DAAM2: variants seen among roughly 807,000 people sequenced by gnomAD.
DAAM2 encodes disheveled-associated activator of morphogenesis 2.
In DAAM2, 39 loss-of-function variants were observed where a neutral mutation model predicts 120.7. The observed-to-expected ratio is 0.32, with a 90% CI of 0.25 to 0.42. The LOEUF (loss-of-function observed/expected upper bound fraction) is 0.42, where lower values mean the gene tolerates loss of function less well. Ranked by LOEUF, DAAM2 falls within the 10% of genes least tolerant of loss-of-function variation. The pLI is 1.00. For synonymous variants in DAAM2, 488 were observed against 524.9 expected (o/e 0.93, Z 0.96); for missense variants, 1,283 against 1,401.7 (o/e 0.92, Z 1.35).
chr6:39,882,733 A>G (rs1296055650), intron 14 of DAAM2, among the ~76,000 whole-genome samples: 3 of 151,034 alleles, frequency 2.0e-5, no homozygotes, highest in Admixed American at 1.3e-4. Context: ...ACACACACAC[A>G]TACACACACT....
Position 39,879,215 on chromosome 6 carries a change from C to T in DAAM2, c.1583C>T (p.Pro528Leu), listed in dbSNP as rs923147591. ...PVSSPPPPGGPLTLSSSMTTN... is the reference protein window; with the variant it reads ...PVSSPPPPGGLLTLSSSMTTN... Reference sequence around the variant, plus strand: ...TCTTCCCCACCACCCCCTGGGGGCCCACTCACCTTGTCTTCCTCAATGACA... The same window carrying T: ...TCTTCCCCACCACCCCCTGGGGGCCTACTCACCTTGTCTTCCTCAATGACA... The change falls in exon 14 of 25, where the codon CCA (proline) becomes CTA (leucine). Residue 528 changes from proline to leucine, a missense_variant. Pro to Leu is a moderately conservative substitution (Grantham distance 98). Around this residue, in one of 3 missense-constraint regions of DAAM2, gnomAD observed 748 missense variants for 768.6 expected, o/e 0.97. Coordinates refer to ENST00000274867, the MANE Select transcript of DAAM2 (RefSeq NM_001201427.2). 2 of 1,550,216 alleles carry T rather than the reference C, an allele frequency of 1.3e-6. No homozygotes were observed. Among genetic ancestry groups the T allele is most frequent in the East Asian group, 2.4e-5 (1 of 40,906 alleles).
rs1474064548 is a variant in DAAM2 at position 39,904,433 on chromosome 6, G to A, written c.*2396G>A. On this transcript the variant is annotated 3_prime_UTR_variant, in exon 25 of 25. Coordinates refer to ENST00000274867, the MANE Select transcript of DAAM2 (RefSeq NM_001201427.2). ...TGGCTGAGCTGGTCCTTAATAGGTTGTTTCTTGGTCTTGCTTTCTTCATGC... is the reference window on the plus strand; with the variant it reads ...TGGCTGAGCTGGTCCTTAATAGGTTATTTCTTGGTCTTGCTTTCTTCATGC... 1 of 454,822 alleles carries A rather than the reference G, an allele frequency of 2.2e-6. No homozygotes were observed. The highest frequency in any genetic ancestry group is 6.9e-5 in the East Asian group (1 of 14,400). 28.2% of individuals were successfully genotyped at this position (454,822 alleles called of 1,614,324 possible).
At position 39,860,936 on chromosome 6, in the gene DAAM2, G is replaced by A. The variant is rs754003502; in HGVS notation, c.177G>A (p.Leu59=). 1.7e-5 allele frequency: 27 copies of A among 1,612,564 alleles called. No homozygotes were observed. In the South Asian group the frequency reaches 2.9e-4, roughly 17 times the overall value. Residue 59 remains leucine, a synonymous_variant, in exon 3 of 25, where the codon TTG becomes TTA. Transcript: ENST00000274867. ...TCTTATTGTCTTTGCAGGATGAATTGGATCTCACTGACAAAAACCGAGAGG... is the reference window on the plus strand; with the variant it reads ...TCTTATTGTCTTTGCAGGATGAATTAGATCTCACTGACAAAAACCGAGAGG... The part of the protein sequence containing the change: ...NIRFAELVDE[L]DLTDKNREAM...
chr6:39,876,730 CGT>C (rs1258242169), intron 11 of DAAM2, among the ~76,000 whole-genome samples: 1 of 149,440 alleles, frequency 6.7e-6, no homozygotes, highest in Non-Finnish European at 1.5e-5. Context: ...TGTGTGTGTG[CGT>C]GTGTGTATGT....
rs971678651 is a variant in DAAM2 at position 39,875,397 on chromosome 6, C to T, written c.1230C>T (p.Leu410=). ...LLDRILQQIV[L]QDERGVDPDL... Reference sequence around the variant, plus strand: ...ACCGCATCCTCCAGCAGATTGTCCTCCAGGATGAGCGGGGTGTGGACCCTG... The same window carrying T: ...ACCGCATCCTCCAGCAGATTGTCCTTCAGGATGAGCGGGGTGTGGACCCTG... The change falls in exon 11 of 25, where the codon CTC becomes CTT. Residue 410 remains leucine, a synonymous_variant. Coordinates refer to ENST00000274867, the MANE Select transcript of DAAM2 (RefSeq NM_001201427.2). 3 of 1,613,870 alleles carry T rather than the reference C, an allele frequency of 1.9e-6. No individual in the cohort carries two copies. Among genetic ancestry groups the T allele is most frequent in the Non-Finnish European group, 2.5e-6 (3 of 1,179,890 alleles).
At chr6:39,858,077 G>A (rs1461325068) in intron 2 of DAAM2, among the ~76,000 whole-genome samples, 1 of 152,002 alleles carries the variant, frequency 6.6e-6, no homozygotes, top group African/African-American at 2.4e-5. Flanking sequence ...TGAGGTTCAG[G>A]ACAATGACAG....
chr6:39,897,040 C>T (rs1766145287), intron 20 of DAAM2, 60 bp downstream of exon 20: 9 of 1,557,334 alleles, frequency 5.8e-6, no homozygotes, highest in Non-Finnish European at 7.9e-6. Context: ...CCTGGCCTCT[C>T]ACATCCTCCC....
chr6:39,810,184 G>A (rs1301070426), intron 1 of DAAM2, among the ~76,000 whole-genome samples: 2 of 152,100 alleles, frequency 1.3e-5, no homozygotes, highest in Admixed American at 6.5e-5. Flanking sequence ...GAGTCCGGGG[G>A]GAAGCTGAAC....
chr6:39,850,180 C>T (rs1295875074), intron 1 of DAAM2, among the ~76,000 whole-genome samples: 1 of 152,224 alleles, frequency 6.6e-6, no homozygotes, highest in Non-Finnish European at 1.5e-5. Context: ...GATGAAGCCA[C>T]TGGTCAGGAC....
chr6:39,806,440 AG>A (rs1762011671), intron 1 of DAAM2, among the ~76,000 whole-genome samples: 2 of 152,176 alleles, frequency 1.3e-5, no homozygotes, highest in South Asian at 2.1e-4. Context: ...TTGAAGGTGA[AG>A]GGTATGATGA....
chr6:39,888,843 C>T lies in DAAM2; in HGVS notation c.2145+80C>T, dbSNP rs576135631. On this transcript the variant is annotated intron_variant, in intron 17 of 24. Coordinates refer to ENST00000274867, the MANE Select transcript of DAAM2 (RefSeq NM_001201427.2). ...CTTCCCAACAGCCCCCAGGAGGCTG[C>T]GATTCTTGGGTCAAGGAGAAATCAG... 2.1e-5 allele frequency: 22 copies of T among 1,050,702 alleles called. No homozygotes were observed. The African/African-American group carries it at 2.3e-4, about 11-fold the overall frequency. The allele number at this position is 1,050,702 out of a possible 1,614,324, so 65.1% of individuals were successfully genotyped here. A position where few individuals can be genotyped will look rare whatever the true frequency, so the allele number is the denominator to read the frequency against.
Position 39,897,239 on chromosome 6 carries a change from A to G in DAAM2, c.2575A>G (p.Met859Val). The change falls in exon 21 of 25, where the codon ATG becomes GTG. Residue 859 changes from methionine (M) to valine (V), a missense_variant. Physicochemically the swap from Met to Val is conservative, Grantham distance 21 (BLOSUM62 1). Coordinates refer to ENST00000274867, the MANE Select transcript of DAAM2 (RefSeq NM_001201427.2). Reference protein sequence around the residue: ...LEKHFPDILNMPSELQHLPEA... With the variant: ...LEKHFPDILNVPSELQHLPEA... ...GAAGCATTTTCCTGATATTCTAAAC[A>G]TGCCTTCAGAGCTGCAACATCTTCC... is the stretch of plus-strand genomic sequence containing the variant. 1.2e-6 allele frequency: 2 copies of G among 1,613,482 alleles called. No individual in the cohort carries two copies. The highest frequency in any genetic ancestry group is 1.1e-5 in the South Asian group (1 of 91,058).
At chr6:39,803,986 G>C (rs1373939029) in intron 1 of DAAM2, among the ~76,000 whole-genome samples, 2 of 152,210 alleles carry the variant, frequency 1.3e-5, no homozygotes, top group African/African-American at 4.8e-5. Context: ...GACTGAGACT[G>C]TCCTGGGCAG....
At chr6:39,837,627 C>T (rs182260457) in intron 1 of DAAM2, among the ~76,000 whole-genome samples, 384 of 131,002 alleles carry the variant, frequency 2.9e-3, no homozygotes, top group Admixed American at 7.9e-3. Context: ...CGCACCATTG[C>T]ACTCCAGCCT....
chr6:39,798,545 G>A (rs1761767107), intron 1 of DAAM2, among the ~76,000 whole-genome samples: 1 of 152,202 alleles, frequency 6.6e-6, no homozygotes, highest in Non-Finnish European at 1.5e-5. Context: ...GATAAATGGT[G>A]TCCTTTTAAG....
chr6:39,849,653 G>C (rs1763732619), intron 1 of DAAM2, among the ~76,000 whole-genome samples: 2 of 152,138 alleles, frequency 1.3e-5, no homozygotes, highest in South Asian at 4.1e-4. Flanking sequence ...GTTGGGTGAT[G>C]GTAATTCAAC....
intron 14 of DAAM2, 47 bp downstream of exon 14, chr6:39,879,524 G>T (rs866862671): frequency 6.2e-7 from 1 of 1,613,502 alleles, no homozygotes; most frequent in Admixed American, 1.7e-5. Context: ...CTACAGCAGG[G>T]CAGTCAGCCT....
intron 1 of DAAM2, among the ~76,000 whole-genome samples, chr6:39,812,490 C>T (rs1307281566): frequency 6.6e-6 from 1 of 152,096 alleles, no homozygotes; most frequent in Non-Finnish European, 1.5e-5. Context: ...TGTACCGTAC[C>T]CCAATCATTT....
At chr6:39,894,277 G>A in intron 19 of DAAM2, among the ~76,000 whole-genome samples, 1 of 152,062 alleles carries the variant, frequency 6.6e-6, no homozygotes, top group Non-Finnish European at 1.5e-5. Flanking sequence ...ATTTTTAGGA[G>A]GATTCCTTTG....
Sources: allele counts gnomAD v4.1 joint callset (sites outside exome capture counted in the v4.1 genomes callset), GRCh38; gene constraint gnomAD v4.1.1; regional missense constraint gnomAD v4.1.1; transcripts MANE v1.5; gene names NCBI Gene and HGNC (gene_info 2026-07-23, HGNC 2026-07-21).